The following NBPF12 variants were observed in gnomAD, a reference collection of about 807,000 sequenced individuals.
The protein encoded by NBPF12 is NBPF family member NBPF12.
Under a neutral mutation model 146.4 loss-of-function variants are expected in NBPF12, and 115 were observed. That is an observed-to-expected ratio of 0.79 (90% confidence interval 0.68 to 0.92). NBPF12 has a LOEUF of 0.92. Among genes scored for constraint, NBPF12 ranks in the 40% least tolerant of loss-of-function variants. NBPF12 has a pLI of 0.00. For synonymous variants in NBPF12, 385 were observed against 508.9 expected (o/e 0.76, Z 3.28); for missense variants, 1,205 against 1,326.8 (o/e 0.91, Z 1.43).
At chr1:146,963,254 A>G in exon 6 of NBPF12, 1 of 1,611,914 alleles carries the variant, frequency 6.2e-7, no homozygotes, top group South Asian at 1.1e-5. Context: ...ACCTCCAAGA[A>G]CAGCTGGCTG....
At chr1:146,994,805 A>C (rs1180593103) in exon 34 of NBPF12, 1 of 806,912 alleles carries the variant, frequency 1.2e-6, no homozygotes, top group Non-Finnish European at 1.9e-6. Context: ...ACATGCCGGG[A>C]GTGATCAGCC....
At position 146,966,450 on chromosome 1, in the gene NBPF12, T is replaced by G; in HGVS notation, c.779-14T>G. On this transcript the variant is annotated splice_polypyrimidine_tract_variant and intron_variant, in intron 8 of 33. Coordinates refer to ENST00000617844, the Ensembl canonical transcript of NBPF12. ...GTTTTTAACCCATCATGTGTTTGCC[T>G]TTCTTCTCCCCAGTCCCTGGCCCCA... The G allele has an allele frequency of 7.4e-7, 1 of 1,350,824 alleles. No homozygotes were observed. Among genetic ancestry groups the G allele is most frequent in the South Asian group, 1.2e-5 (1 of 85,280 alleles). The allele number at this position is 1,350,824 out of a possible 1,614,324, so 83.7% of individuals were successfully genotyped here.
chr1:146,987,377 A>T (rs1254525361), intron 25 of NBPF12, 92 bp downstream of exon 28: 1 of 786,792 alleles, frequency 1.3e-6, no homozygotes, highest in Admixed American at 1.8e-5. Flanking sequence ...TATCGATTAC[A>T]TCTTTTCAAC....
intron 33 of NBPF12, 97 bp downstream of exon 36, chr1:146,993,804 G>A (rs1553889780): frequency 1.1e-5 from 1 of 87,348 alleles, no homozygotes; most frequent in Admixed American, 2.6e-4. Context: ...TGTTTTCAAC[G>A]AAGGCTGAAT....
At chr1:146,971,474 A>G (rs1401973691) in intron 13 of NBPF12, 80 bp downstream of exon 16, 7 of 1,143,410 alleles carry the variant, frequency 6.1e-6, no homozygotes, top group Admixed American at 3.6e-5. Flanking sequence ...GTATATACAC[A>G]TATTGTTATT....
Position 146,941,885 on chromosome 1 carries a change from G to T in NBPF12, c.-821-1406G>T, listed in dbSNP as rs1347050132. On this transcript the variant is annotated intron_variant, in intron 1 of 35. Transcript: ENST00000617931. ...TTTTGCATTTTTTTTTTCAGACAGG[G>T]TCTTACTCTGTTGCCCAGGCTGAAG... Among the ~76,000 whole-genome samples the T allele has an allele frequency of 4.0e-5, 6 of 149,270 alleles. 1 individual carries two copies. Among genetic ancestry groups the T allele is most frequent in the African/African-American group, 1.0e-4 (4 of 40,108 alleles).
intron 27 of NBPF12, 41 bp from the exon 31 acceptor site, chr1:146,989,533 G>C: frequency 7.6e-7 from 1 of 1,315,150 alleles, no homozygotes; most frequent in Non-Finnish European, 1.1e-6. Context: ...TGTGATTTCT[G>C]ATTCCCCCTG....
chr1:146,995,710 T>C (rs1264707581), exon 34 of NBPF12: 6 of 150,326 alleles, frequency 4.0e-5, no homozygotes, highest in African/African-American at 1.5e-4. Flanking sequence ...CCTCAGCCCA[T>C]CTGCGGGCAG....
At chr1:146,994,948 G>T (rs11581296) in exon 34 of NBPF12, 1 of 342,132 alleles carries the variant, frequency 2.9e-6, no homozygotes, top group African/African-American at 2.1e-5. Context: ...TCATCCAAAG[G>T]TGTTACCCTG....
exon 7 of NBPF12, chr1:146,964,389 G>A: frequency 6.2e-7 from 1 of 1,603,312 alleles, no homozygotes; most frequent in South Asian, 1.1e-5. Flanking sequence ...AGATGTTCAA[G>A]TTGAGGAGGA....
intron 11 of NBPF12, among the ~76,000 whole-genome samples, chr1:146,970,024 T>G (rs1411005302): frequency 6.7e-6 from 1 of 149,576 alleles, no homozygotes; most frequent in Non-Finnish European, 1.5e-5. Flanking sequence ...GCAGACAAAT[T>G]GTCTCTTTCA....
At chr1:146,972,101 AAAG>A (rs1412160161) in intron 13 of NBPF12, among the ~76,000 whole-genome samples, 2 of 149,014 alleles carry the variant, frequency 1.3e-5, no homozygotes, top group African/African-American at 2.5e-5. Context: ...AAAAAAAAAA[AAAG>A]TAAGTCTCTG....
At chr1:146,944,296 C>T (rs1654924939) in intron 2 of NBPF12, among the ~76,000 whole-genome samples, 3 of 138,946 alleles carry the variant, frequency 2.2e-5, no homozygotes, top group Non-Finnish European at 3.1e-5. Context: ...GTCACTACCC[C>T]ACGGAACCCA....
At chr1:146,973,649 A>C (rs1233394403) in intron 14 of NBPF12, among the ~76,000 whole-genome samples, 1 of 146,448 alleles carries the variant, frequency 6.8e-6, no homozygotes, top group Non-Finnish European at 1.5e-5. Context: ...GTAGATGGGC[A>C]TGGTGGCAGG....
At chr1:146,982,856 A>C (rs1237095527) in intron 19 of NBPF12, 72 bp from the exon 23 acceptor site, 1 of 1,453,486 alleles carries the variant, frequency 6.9e-7, no homozygotes, top group Non-Finnish European at 9.6e-7. Context: ...CCATCAGATC[A>C]TCTGGGAGGT....
intron 7 of NBPF12, among the ~76,000 whole-genome samples, 180 bp downstream of exon 10, chr1:146,964,609 A>T (rs1256357379): frequency 2.0e-5 from 3 of 151,914 alleles, no homozygotes; most frequent in African/African-American, 7.3e-5. Flanking sequence ...ATGTGTGCCA[A>T]GTGTCATGTC....
At chr1:146,982,724 C>A (rs1286606782) in intron 19 of NBPF12, among the ~76,000 whole-genome samples, 1 of 151,174 alleles carries the variant, frequency 6.6e-6, no homozygotes, top group African/African-American at 2.4e-5. Context: ...GTACTGAGCA[C>A]ATGCTGCCCA....
At chr1:146,964,214 G>A (rs1553885222) in intron 6 of NBPF12, 143 bp from the exon 10 acceptor site, 1 of 1,334,178 alleles carries the variant, frequency 7.5e-7, no homozygotes, top group Admixed American at 1.9e-5. Context: ...CCATGCCAGA[G>A]CATTTTGTGA....
At position 146,939,361 on chromosome 1, in the gene NBPF12, G is replaced by T. The variant is rs1358668769; in HGVS notation, c.-822+379G>T. On this transcript the variant is annotated intron_variant, in intron 1 of 35. Coordinates refer to the NBPF12 transcript ENST00000617931. ...TGGGAACTTGGGCAAGAGCGCTCGCGCCCCTGACTTGCAAAGTTGGGGTCT... is the reference window on the plus strand; with the variant it reads ...TGGGAACTTGGGCAAGAGCGCTCGCTCCCCTGACTTGCAAAGTTGGGGTCT... Among the ~76,000 whole-genome samples, 57 of 152,162 alleles carry T rather than the reference G, an allele frequency of 3.7e-4. No homozygotes were observed. The South Asian group carries it at 5.6e-3, about 15-fold the overall frequency.
Sources: allele counts gnomAD v4.1 joint callset (sites outside exome capture counted in the v4.1 genomes callset), GRCh38; gene constraint gnomAD v4.1.1; transcripts MANE v1.5; gene names NCBI Gene and HGNC (gene_info 2026-07-23, HGNC 2026-07-21).